The following CHODL variants were observed in gnomAD, a reference collection of about 807,000 sequenced individuals.
The protein encoded by CHODL is chondrolectin, also known as transmembrane protein MT75.
In CHODL, 29 loss-of-function variants were observed where a neutral mutation model predicts 34.5. The ratio of observed to expected loss-of-function variants is 0.84; its 90% CI spans 0.63 to 1.15. The LOEUF (loss-of-function observed/expected upper bound fraction) is 1.15. Ranked by LOEUF, CHODL falls within the 50% of genes most tolerant of loss-of-function variation. CHODL has a pLI of 0.00. For synonymous variants in CHODL, 125 were observed against 116.1 expected, an observed-to-expected ratio of 1.08 and a Z score of -0.49; for missense variants, 332 against 332.5, an observed-to-expected ratio of 1.00 and a Z score of 0.01.
At chr21:18,207,211 A>T (rs2073722199) in intron 2 of CHODL, among the ~76,000 whole-genome samples, 1 of 147,074 alleles carries the variant, frequency 6.8e-6, no homozygotes, top group African/African-American at 2.6e-5. Context: ...AAAGGACATG[A>T]ACTCATCCTT....
intron 1 of CHODL, among the ~76,000 whole-genome samples, chr21:17,927,149 T>TGTATATATGTATATAC (rs2063234121): frequency 1.6e-5 from 1 of 62,314 alleles, no homozygotes; most frequent in African/African-American, 4.5e-5. Context: ...TATGTATATA[T>TGTATATATGTATATAC]GTATATATAT....
At chr21:17,930,371 G>T (rs2063262438) in intron 1 of CHODL, among the ~76,000 whole-genome samples, 2 of 151,974 alleles carry the variant, frequency 1.3e-5, no homozygotes, top group South Asian at 2.1e-4. Context: ...GGAACAGGGA[G>T]ACCAGCACCT....
chr21:18,245,089 G>C lies in CHODL; in HGVS notation c.-135G>C. 1.4e-6 allele frequency: 1 copy of C among 696,522 alleles called. No homozygotes were observed. The highest frequency in any genetic ancestry group is 2.2e-6 in the Non-Finnish European group (1 of 461,732). The allele number at this position is 696,522 out of a possible 1,614,324, so 43.1% of individuals were successfully genotyped here. ...CCGAAGGCGATGCGCGCAGGGGGTC[G>C]GGCAGCTGGGCTCGGGCGGCGGGAG... On this transcript the variant is annotated 5_prime_UTR_variant, in exon 1 of 6. Coordinates refer to ENST00000299295, the MANE Select transcript of CHODL (RefSeq NM_024944.3).
chr21:18,027,650 G>C (rs965922126), intron 1 of CHODL, among the ~76,000 whole-genome samples: 3 of 152,116 alleles, frequency 2.0e-5, no homozygotes, highest in Admixed American at 1.3e-4. Flanking sequence ...TTTGTACCTT[G>C]CTGTGACCCC....
intron 1 of CHODL, among the ~76,000 whole-genome samples, chr21:18,250,555 A>G (rs2146795442): frequency 1.3e-5 from 2 of 152,132 alleles, no homozygotes; most frequent in Middle Eastern, 6.8e-3. Context: ...GTAAAAATAA[A>G]AGTTTATTAT....
At chr21:18,210,275 A>C (rs1279292963) in intron 2 of CHODL, among the ~76,000 whole-genome samples, 1 of 152,116 alleles carries the variant, frequency 6.6e-6, no homozygotes, top group African/African-American at 2.4e-5. Flanking sequence ...AGCAGCACTG[A>C]GTTCCAGTGC....
intron 2 of CHODL, among the ~76,000 whole-genome samples, chr21:18,080,889 C>T (rs892657571): frequency 3.3e-5 from 5 of 151,978 alleles, no homozygotes; most frequent in Non-Finnish European, 5.9e-5. Context: ...ATTGGTAACT[C>T]GATAGGGATT....
intron 1 of CHODL, among the ~76,000 whole-genome samples, chr21:17,991,428 T>C (rs2063795709): frequency 6.6e-6 from 1 of 152,126 alleles, no homozygotes; most frequent in Non-Finnish European, 1.5e-5. Context: ...ACCAACAATG[T>C]ATAAGAGTTC....
chr21:17,965,389 T>C (rs961144329), intron 1 of CHODL, among the ~76,000 whole-genome samples: 4 of 152,198 alleles, frequency 2.6e-5, no homozygotes, highest in African/African-American at 9.6e-5. Flanking sequence ...AGTGCAGTCA[T>C]ATTTTTCTAT....
chr21:18,116,032 C>T (rs2065408500), intron 2 of CHODL, among the ~76,000 whole-genome samples: 2 of 151,870 alleles, frequency 1.3e-5, no homozygotes, highest in Admixed American at 1.3e-4. Flanking sequence ...TCCTACTTTT[C>T]TCCTTGAGAA....
At chr21:17,981,679 A>G (rs1285094859) in intron 1 of CHODL, among the ~76,000 whole-genome samples, 2 of 152,116 alleles carry the variant, frequency 1.3e-5, no homozygotes, top group Non-Finnish European at 2.9e-5. Flanking sequence ...ACAGAGAGAA[A>G]CTCATGGATG....
chr21:18,038,739 C>A (rs1317646831), intron 2 of CHODL, among the ~76,000 whole-genome samples: 3 of 151,466 alleles, frequency 2.0e-5, no homozygotes, highest in African/African-American at 7.3e-5. Flanking sequence ...ACTTAATGAC[C>A]ATGAGATATG....
chr21:17,927,134 G>A (rs190917826), intron 1 of CHODL, among the ~76,000 whole-genome samples: 2,840 of 107,502 alleles, frequency 0.026, 90 homozygotes, highest in Middle Eastern at 0.1. Context: ...GTATATATAT[G>A]TATATATGTA....
chr21:18,262,932 TTAAA>T, intron 5 of CHODL, 39 bp downstream of exon 5: 1 of 1,099,836 alleles, frequency 9.1e-7, no homozygotes, highest in Non-Finnish European at 1.4e-6. Context: ...TTGAAAAACT[TTAAA>T]TAGGTTTTCA....
In CHODL at chr21:17,990,680, TTA is replaced by T. The variant is rs2063790146; in HGVS notation, c.-144-37190_-144-37189del. On this transcript the variant is annotated intron_variant, in intron 1 of 6. Transcript: ENST00000400127. ...CATTTTTTCCATGTGTAAAATATTTTTATGTTTTATTAATACAAAATAATTGT... is the reference window on the plus strand; with the variant it reads ...CATTTTTTCCATGTGTAAAATATTTTTGTTTTATTAATACAAAATAATTGT... Among the ~76,000 whole-genome samples the T allele has an allele frequency of 7.9e-5, 12 of 152,230 alleles. No individual in the cohort carries two copies. In the South Asian group the frequency reaches 2.5e-3, roughly 32 times the overall value.
chr21:18,201,008 G>A (rs1012393145), intron 2 of CHODL, among the ~76,000 whole-genome samples: 8 of 152,112 alleles, frequency 5.3e-5, no homozygotes, highest in African/African-American at 1.9e-4. Context: ...CAGACTTCTG[G>A]CCTTCAGAAT....
intron 1 of CHODL, among the ~76,000 whole-genome samples, chr21:18,013,958 C>G (rs2064046510): frequency 6.6e-6 from 1 of 152,088 alleles, no homozygotes; most frequent in East Asian, 1.9e-4. Context: ...TCTGATAAGA[C>G]TGTTAGGACC....
At chr21:17,938,456 C>A (rs2063334112) in intron 1 of CHODL, among the ~76,000 whole-genome samples, 1 of 129,220 alleles carries the variant, frequency 7.7e-6, no homozygotes, top group Non-Finnish European at 1.6e-5. Context: ...AGTGGAAACC[C>A]ACATTCTTTT....
chr21:18,188,195 C>A (rs1204177268), intron 2 of CHODL, among the ~76,000 whole-genome samples: 1 of 151,908 alleles, frequency 6.6e-6, no homozygotes, highest in African/African-American at 2.4e-5. Context: ...CCATGTAAGT[C>A]TACTTTGTTT....
Sources: allele counts gnomAD v4.1 joint callset (sites outside exome capture counted in the v4.1 genomes callset), GRCh38; gene constraint gnomAD v4.1.1; transcripts MANE v1.5; gene names NCBI Gene and HGNC (gene_info 2026-07-23, HGNC 2026-07-21).